SEPTIN11: variants seen among roughly 807,000 people sequenced by gnomAD.
SEPTIN11 encodes the protein septin 11, also known as septin-11.
In SEPTIN11, 25 loss-of-function variants were observed where a neutral mutation model predicts 51.4. The ratio of observed to expected loss-of-function variants is 0.49; its 90% CI spans 0.35 to 0.68. The LOEUF (loss-of-function observed/expected upper bound fraction) is 0.68, where lower values mean the gene tolerates loss of function less well. SEPTIN11 is among the 30% of genes least tolerant of loss of function. The pLI is 0.00. For synonymous variants in SEPTIN11, 174 were observed against 184.1 expected, an observed-to-expected ratio of 0.95 and a Z score of 0.44; for missense variants, 381 against 520.8, an observed-to-expected ratio of 0.73 and a Z score of 2.61.
downstream of SEPTIN11, chr4:77,039,357 G>A (rs1304251390): frequency 3.7e-6 from 4 of 1,093,402 alleles, no homozygotes; most frequent in Non-Finnish European, 4.5e-6. Context: ...AACAGAAAAC[G>A]TGGGCCAAGA....
chr4:77,025,013 A>T (rs1440804177), intron 7 of SEPTIN11, among the ~76,000 whole-genome samples: 1 of 152,178 alleles, frequency 6.6e-6, no homozygotes, highest in Admixed American at 6.5e-5. Flanking sequence ...TGCTGTGTGA[A>T]TCACCAGAAT....
Position 77,036,845 on chromosome 4 carries a change from C to T in SEPTIN11, c.*2333C>T, listed in dbSNP as rs536839303. 7.5e-5 allele frequency: 112 copies of T among 1,485,086 alleles called. No homozygotes were observed. Among genetic ancestry groups the T allele is most frequent in the Non-Finnish European group, 9.1e-5 (103 of 1,127,528 alleles). The allele number at this position is 1,485,086 out of a possible 1,614,324, so 92.0% of individuals were successfully genotyped here. A position where few individuals can be genotyped will look rare whatever the true frequency, so the allele number is the denominator to read the frequency against. On this transcript the variant is annotated 3_prime_UTR_variant, in exon 10 of 10. Coordinates refer to ENST00000264893, the MANE Select transcript of SEPTIN11 (RefSeq NM_018243.4). ...GTGCTTTCGCCTTTGCATGTAAGTACGGTAGTAAGAAACCTTTGAGATCTT... is the reference window on the plus strand; with the variant it reads ...GTGCTTTCGCCTTTGCATGTAAGTATGGTAGTAAGAAACCTTTGAGATCTT...
At chr4:76,964,993 T>TA (rs1307019414) in intron 1 of SEPTIN11, among the ~76,000 whole-genome samples, 1 of 152,148 alleles carries the variant, frequency 6.6e-6, no homozygotes, top group Non-Finnish European at 1.5e-5. Flanking sequence ...GAACGACTGA[T>TA]TCACTGAGTT....
chr4:76,967,000 C>T (rs549890017), intron 1 of SEPTIN11, among the ~76,000 whole-genome samples: 1 of 152,074 alleles, frequency 6.6e-6, no homozygotes, highest in Admixed American at 6.5e-5. Flanking sequence ...ATTTTGAGAC[C>T]AGCCTGGCCA....
chr4:76,954,270 T>C (rs1721468339), intron 1 of SEPTIN11, among the ~76,000 whole-genome samples: 1 of 152,224 alleles, frequency 6.6e-6, no homozygotes, highest in Non-Finnish European at 1.5e-5. Flanking sequence ...TTTATAGGAC[T>C]CTAAATTTGG....
chr4:77,019,187 T>C lies in SEPTIN11; in HGVS notation c.710T>C (p.Val237Ala). The C allele has an allele frequency of 5.0e-6, 8 of 1,613,538 alleles. No homozygotes were observed. Among genetic ancestry groups the C allele is most frequent in the African/African-American group, 1.3e-5 (1 of 75,038 alleles). ...CAGGTCCATCTCCCATTTGCAGTGG[T>C]TGGCAGCACCGAAGAGGTGAAGATT... ...TMSVHLPFAVVGSTEEVKIGN... is the reference protein window; with the variant it reads ...TMSVHLPFAVAGSTEEVKIGN... Residue 237 changes from valine (V) to alanine (A), a missense_variant, in exon 6 of 10, where the codon GTT becomes GCT. Val to Ala is a moderately conservative substitution (Grantham distance 64). This residue lies in a region of SEPTIN11 where 197 missense variants were observed against 313.1 expected (regional missense o/e 0.63). Transcript: ENST00000264893.
chr4:77,032,254 G>A (rs998185685), intron 9 of SEPTIN11: 5 of 152,336 alleles, frequency 3.3e-5, no homozygotes, highest in African/African-American at 1.2e-4. Context: ...GGAGGCAAAT[G>A]TTCTGAACAA....
chr4:77,035,917 A>G lies in SEPTIN11; in HGVS notation c.*1405A>G. 2.0e-6 allele frequency: 2 copies of G among 985,886 alleles called. No individual in the cohort carries two copies. The highest frequency in any genetic ancestry group is 2.4e-6 in the Non-Finnish European group (2 of 829,964). The allele number at this position is 985,886 out of a possible 1,614,324, so 61.1% of individuals were successfully genotyped here. A position where few individuals can be genotyped will look rare whatever the true frequency, so the allele number is the denominator to read the frequency against. On this transcript the variant is annotated 3_prime_UTR_variant, in exon 10 of 10. Transcript: ENST00000264893. ...TCCTCCCAGCTTTCTCTCTACATGT[A>G]GAAAGGATAACATTTCTCATGAACC...
rs1727033276 is a variant in SEPTIN11 at position 77,036,502 on chromosome 4, T to A, written c.*1990T>A. On this transcript the variant is annotated 3_prime_UTR_variant, in exon 10 of 10. Coordinates refer to ENST00000264893, the MANE Select transcript of SEPTIN11 (RefSeq NM_018243.4). The stretch of plus-strand genomic sequence containing the variant: ...GTCTCTTGCATCACTAAAATTTTTT[T>A]AAAATGAGCATAACAACGAAAGGCA... The A allele has an allele frequency of 7.5e-7, 1 of 1,329,184 alleles. No individual in the cohort carries two copies. The highest frequency in any genetic ancestry group is 9.6e-7 in the Non-Finnish European group (1 of 1,040,298). 82.3% of individuals were successfully genotyped at this position (1,329,184 alleles called of 1,614,324 possible). A position where few individuals can be genotyped will look rare whatever the true frequency, so the allele number is the denominator to read the frequency against.
chr4:76,961,330 A>C (rs1257531881), intron 1 of SEPTIN11, among the ~76,000 whole-genome samples: 2 of 151,972 alleles, frequency 1.3e-5, no homozygotes, highest in Non-Finnish European at 2.9e-5. Context: ...CACCAAAGGG[A>C]ATTGGGAAGT....
rs1381362923 is a variant in SEPTIN11, at chr4:76,984,834, G to A, written c.28-11591G>A. ...TTGTTTGGGACCCACTGGACAGCAA[G>A]AGGGTTTTGAAATGGTTTATGACCT... On this transcript the variant is annotated intron_variant, in intron 1 of 9. Transcript: ENST00000264893. This position sits in a 1 kb window ranked among gnomAD's most constrained non-coding sequence, Gnocchi z 4.1. Among the ~76,000 whole-genome samples the A allele has an allele frequency of 6.6e-6, 1 of 152,210 alleles. No individual in the cohort carries two copies. The highest frequency in any genetic ancestry group is 2.4e-5 in the African/African-American group (1 of 41,460).
chr4:76,966,331 G>C (rs182798542), intron 1 of SEPTIN11, among the ~76,000 whole-genome samples: 1 of 152,134 alleles, frequency 6.6e-6, no homozygotes, highest in Non-Finnish European at 1.5e-5. Context: ...GAAGATATTT[G>C]GTCAAATTAG....
intron 2 of SEPTIN11, 138 bp from the exon 3 acceptor site, chr4:77,005,463 C>G (rs1260623171): frequency 1.4e-6 from 1 of 702,500 alleles, no homozygotes; most frequent in East Asian, 2.9e-5. Context: ...AAAGAATTAT[C>G]TCTTCACAGT....
At chr4:76,995,974 A>C in intron 1 of SEPTIN11, 1 of 1,521,848 alleles carries the variant, frequency 6.6e-7, no homozygotes, top group South Asian at 1.2e-5. Flanking sequence ...AAGGAGTATG[A>C]ATCCTCCACT....
chr4:77,019,388 G>A, intron 6 of SEPTIN11, 127 bp downstream of exon 6: 1 of 653,778 alleles, frequency 1.5e-6, no homozygotes, highest in South Asian at 2.4e-5. Flanking sequence ...GGAGTGGTGG[G>A]GCTCCACATG....
At chr4:76,991,819 G>A (rs567124416) in intron 1 of SEPTIN11, among the ~76,000 whole-genome samples, 3 of 152,298 alleles carry the variant, frequency 2.0e-5, no homozygotes, top group East Asian at 1.9e-4. Context: ...GAACTGCAGT[G>A]TTCTTCAATG....
intron 4 of SEPTIN11, 27 bp from the exon 5 acceptor site, chr4:77,014,829 G>A (rs1167079744): frequency 1.2e-6 from 2 of 1,609,992 alleles, no homozygotes; most frequent in Non-Finnish European, 1.7e-6. Context: ...TTGGAATTGT[G>A]TAAAAATGGA....
intron 3 of SEPTIN11, among the ~76,000 whole-genome samples, chr4:77,008,234 T>C (rs1419185337): frequency 6.6e-6 from 1 of 152,182 alleles, no homozygotes; most frequent in Non-Finnish European, 1.5e-5. Flanking sequence ...AAAGCAAGTT[T>C]TGTTGTTCAA....
chr4:76,978,118 G>C (rs1578135309), intron 1 of SEPTIN11, among the ~76,000 whole-genome samples: 1 of 152,164 alleles, frequency 6.6e-6, no homozygotes, highest in Non-Finnish European at 1.5e-5. Flanking sequence ...GAGAGAGTAA[G>C]AGTGATTGCT....
Sources: gnomAD v4.1 joint callset for allele counts (sites outside exome capture counted in the v4.1 genomes callset) on GRCh38, gnomAD v4.1.1 for gene constraint, gnomAD v4.1.1 regional missense constraint, Gnocchi (gnomAD v3.1) non-coding constraint, MANE v1.5 for transcripts, NCBI Gene and HGNC (gene_info 2026-07-23, HGNC 2026-07-21) for gene names.